Variants in OSBP2 observed in about 807,000 individuals in gnomAD.
OSBP2 encodes oxysterol-binding protein 2.
OSBP2 carries 66 observed loss-of-function variants against 96.0 expected under a neutral mutation model. The ratio of observed to expected loss-of-function variants is 0.69; its 90% CI spans 0.56 to 0.84. The LOEUF is 0.84. Ranked by LOEUF, OSBP2 falls within the 40% of genes least tolerant of loss-of-function variation. The probability of loss-of-function intolerance (pLI) is 0.00; values close to 1 mark genes in which losing one functional copy is unlikely to be tolerated. For missense variants in OSBP2, 1,038 were observed against 1,222.7 expected, an observed-to-expected ratio of 0.85 and a Z score of 2.25; for synonymous variants, 525 against 520.9, an observed-to-expected ratio of 1.01 and a Z score of -0.11.
chr22:30,699,237 G>A (rs1312510078), intron 1 of OSBP2, among the ~76,000 whole-genome samples: 1 of 152,186 alleles, frequency 6.6e-6, no homozygotes, highest in African/African-American at 2.4e-5. Flanking sequence ...GAGCCACTGT[G>A]CCTGGCTATG....
At chr22:30,782,353 T>C (rs2090529232) in intron 2 of OSBP2, among the ~76,000 whole-genome samples, 1 of 152,174 alleles carries the variant, frequency 6.6e-6, no homozygotes, top group Admixed American at 6.5e-5. Context: ...TCTTGTGTGA[T>C]CGTTTGCATT....
At chr22:30,786,435 A>G (rs1209296886) in intron 2 of OSBP2, among the ~76,000 whole-genome samples, 1 of 152,052 alleles carries the variant, frequency 6.6e-6, no homozygotes, top group Non-Finnish European at 1.5e-5. Context: ...AATCAATGAC[A>G]CCTGCCAGAG....
At chr22:30,875,928 C>T (rs551885105) in intron 3 of OSBP2, among the ~76,000 whole-genome samples, 150 of 152,358 alleles carry the variant, frequency 9.8e-4, no homozygotes, top group Non-Finnish European at 1.9e-3. Flanking sequence ...CTTAAAGTGA[C>T]AGGCTGCCAG....
At chr22:30,867,032 G>A (rs916082630) in intron 2 of OSBP2, among the ~76,000 whole-genome samples, 20 of 152,182 alleles carry the variant, frequency 1.3e-4, no homozygotes, top group African/African-American at 4.6e-4. Context: ...GGTGGGTGAT[G>A]CCACCTTCCC....
chr22:30,704,666 A>G (rs924139252), intron 1 of OSBP2, among the ~76,000 whole-genome samples: 11 of 152,054 alleles, frequency 7.2e-5, no homozygotes, highest in Non-Finnish European at 1.5e-4. Flanking sequence ...GAGTTTCACC[A>G]TGTTGGCCAG....
chr22:30,725,017 C>CA (rs5844922), intron 1 of OSBP2, among the ~76,000 whole-genome samples: 1 of 149,742 alleles, frequency 6.7e-6, no homozygotes, highest in Non-Finnish European at 1.5e-5. Context: ...ACTAAAAATA[C>CA]AAAAAAAAAT....
chr22:30,694,010 T>TTA, upstream of OSBP2: 1 of 1,509,524 alleles, frequency 6.6e-7, no homozygotes. Flanking sequence ...CGCTGATGTT[T>TTA]TAACCATTCT....
In OSBP2 at chr22:30,776,636, T is replaced by G. The variant is rs141373647; in HGVS notation, c.853+35267T>G. Among the ~76,000 whole-genome samples the G allele has an allele frequency of 2.9e-3, 444 of 152,240 alleles. 1 individual carries two copies. The highest frequency in any genetic ancestry group is 5.2e-3 in the Non-Finnish European group (357 of 68,014). ...TTTTTTTGGAACTGGTGTGATTATT[T>G]CCTAAGGGTAAATTCTTAGAAAAGG... On this transcript the variant is annotated intron_variant, in intron 2 of 13. Transcript: ENST00000332585.
At chr22:30,724,047 C>A (rs8184976) in intron 1 of OSBP2, among the ~76,000 whole-genome samples, 19,828 of 152,142 alleles carry the variant, frequency 0.13, 1,994 homozygotes, top group East Asian at 0.38. Context: ...ATTCATCACT[C>A]CCCATCCCCT....
At chr22:30,808,689 TGA>T (rs1333335171) in intron 2 of OSBP2, among the ~76,000 whole-genome samples, 3,516 of 152,054 alleles carry the variant, frequency 0.023, 128 homozygotes, top group African/African-American at 0.077. Context: ...GCGTGGTGGC[TGA>T]CACCTGTAAT....
At chr22:30,739,676 C>A (rs2089909387) in intron 1 of OSBP2, among the ~76,000 whole-genome samples, 2 of 151,976 alleles carry the variant, frequency 1.3e-5, no homozygotes, top group East Asian at 3.9e-4. Context: ...AGGGGTTCAC[C>A]TTGCCTGCTG....
chr22:30,854,880 G>A (rs1412958410), intron 2 of OSBP2, among the ~76,000 whole-genome samples: 1 of 152,212 alleles, frequency 6.6e-6, no homozygotes, highest in East Asian at 1.9e-4. Context: ...TGGCTGGGGA[G>A]GCCTCAAGAA....
At chr22:30,779,510 GT>G (rs2090485602) in intron 2 of OSBP2, among the ~76,000 whole-genome samples, 1 of 152,026 alleles carries the variant, frequency 6.6e-6, no homozygotes, top group East Asian at 1.9e-4. Context: ...GAGGGCTCAT[GT>G]TTTTTGGATG....
At chr22:30,730,787 TA>T (rs1462817574) in intron 1 of OSBP2, among the ~76,000 whole-genome samples, 1 of 47,888 alleles carries the variant, frequency 2.1e-5, no homozygotes, top group African/African-American at 1.1e-4. Flanking sequence ...TATATATATA[TA>T]TATATATATA....
chr22:30,769,950 A>G (rs1264248935), intron 2 of OSBP2, among the ~76,000 whole-genome samples: 1 of 152,132 alleles, frequency 6.6e-6, no homozygotes, highest in Non-Finnish European at 1.5e-5. Flanking sequence ...TAATTGAATC[A>G]TGGGGTGGTT....
chr22:30,718,460 G>C (rs568629599), intron 1 of OSBP2, among the ~76,000 whole-genome samples: 2 of 152,350 alleles, frequency 1.3e-5, no homozygotes, highest in African/African-American at 4.8e-5. Flanking sequence ...GGAAGGAGGA[G>C]GAGGAGAGAT....
At chr22:30,715,875 T>A (rs1215003788) in intron 1 of OSBP2, among the ~76,000 whole-genome samples, 4 of 93,672 alleles carry the variant, frequency 4.3e-5, no homozygotes, top group East Asian at 4.1e-4. Context: ...TTTTTTTTTT[T>A]AACACAGGAT....
At chr22:30,856,575 C>T (rs1036134361) in intron 2 of OSBP2, among the ~76,000 whole-genome samples, 10 of 151,510 alleles carry the variant, frequency 6.6e-5, no homozygotes, top group Admixed American at 2.0e-4. Context: ...TTAGTAGAGA[C>T]GGGATTTTGC....
At chr22:30,885,488 C>G (rs915116663) in intron 3 of OSBP2, among the ~76,000 whole-genome samples, 1 of 152,210 alleles carries the variant, frequency 6.6e-6, no homozygotes, top group Admixed American at 6.5e-5. Flanking sequence ...TGAAAAGATT[C>G]TGGATGTCTC....
Sources: allele counts gnomAD v4.1 joint callset (sites outside exome capture counted in the v4.1 genomes callset), GRCh38; gene constraint gnomAD v4.1.1; transcripts MANE v1.5; gene names NCBI Gene and HGNC (gene_info 2026-07-23, HGNC 2026-07-21).